Variants in TMC1 observed in about 807,000 individuals in gnomAD.
The protein encoded by TMC1 is transmembrane channel like 1, also known as transmembrane channel-like protein 1.
In TMC1, 84 loss-of-function variants were observed where a neutral mutation model predicts 105.8. The observed-to-expected ratio is 0.79, with a 90% confidence interval of 0.67 to 0.95. TMC1 has a LOEUF of 0.95. Among genes scored for constraint, TMC1 ranks in the 40% least tolerant of loss-of-function variants. The probability of loss-of-function intolerance (pLI) is 0.00; values close to 1 mark genes in which losing one functional copy is unlikely to be tolerated. For synonymous variants in TMC1, 315 were observed against 311.5 expected (o/e 1.01, Z -0.12); for missense variants, 817 against 914.1 (o/e 0.89, Z 1.37).
chr9:72,719,031 G>T (rs2117938998), intron 8 of TMC1, among the ~76,000 whole-genome samples: 1 of 152,296 alleles, frequency 6.6e-6, no homozygotes, highest in East Asian at 1.9e-4. Flanking sequence ...CAAAAGGCTG[G>T]TCTCATTCCC....
chr9:72,593,423 A>G (rs1056598519), intron 2 of TMC1, among the ~76,000 whole-genome samples: 13 of 151,480 alleles, frequency 8.6e-5, no homozygotes, highest in Non-Finnish European at 1.0e-4. Flanking sequence ...TCTGAGACAG[A>G]GTGTTGCTCC....
chr9:72,835,399 T>A (rs1009757071), intron 23 of TMC1, among the ~76,000 whole-genome samples: 2 of 152,222 alleles, frequency 1.3e-5, no homozygotes, highest in Non-Finnish European at 2.9e-5. Flanking sequence ...ATGAGGTGGT[T>A]GAAGCACATA....
intron 5 of TMC1, among the ~76,000 whole-genome samples, chr9:72,654,823 T>G (rs544752279): frequency 6.6e-6 from 1 of 152,288 alleles, no homozygotes; most frequent in Admixed American, 6.5e-5. Flanking sequence ...AGATCCAAAT[T>G]TCTATCTGGT....
At chr9:72,581,443 A>G (rs956143937) in intron 2 of TMC1, among the ~76,000 whole-genome samples, 1 of 152,206 alleles carries the variant, frequency 6.6e-6, no homozygotes, top group Non-Finnish European at 1.5e-5. Flanking sequence ...AATTGCAGTC[A>G]GTATATTGAG....
chr9:72,784,126 C>G (rs1828133548), intron 13 of TMC1, among the ~76,000 whole-genome samples: 2 of 152,098 alleles, frequency 1.3e-5, no homozygotes, highest in South Asian at 4.1e-4. Context: ...ACAGACTAAA[C>G]AGACAACCAA....
chr9:72,769,919 G>A (rs1827898407), intron 12 of TMC1, among the ~76,000 whole-genome samples: 1 of 152,176 alleles, frequency 6.6e-6, no homozygotes, highest in Admixed American at 6.5e-5. Context: ...AGCATGTTCT[G>A]TTATTGTCAC....
intron 5 of TMC1, among the ~76,000 whole-genome samples, chr9:72,681,762 A>C (rs968048437): frequency 2.0e-5 from 3 of 152,154 alleles, no homozygotes; most frequent in Non-Finnish European, 4.4e-5. Context: ...TATTTTGAGT[A>C]GATTTTCTAT....
chr9:72,603,147 G>A (rs539338710), intron 2 of TMC1, among the ~76,000 whole-genome samples: 37 of 152,162 alleles, frequency 2.4e-4, no homozygotes, highest in Non-Finnish European at 4.9e-4. Flanking sequence ...AATTGGTCAC[G>A]TAAATCACTT....
chr9:72,723,766 G>C (rs1046461425), intron 8 of TMC1, among the ~76,000 whole-genome samples: 2 of 152,046 alleles, frequency 1.3e-5, no homozygotes, highest in Admixed American at 6.6e-5. Flanking sequence ...ATATACTTTT[G>C]TCTACCAAGA....
intron 12 of TMC1, 149 bp downstream of exon 12, chr9:72,755,033 AAAG>A: frequency 2.0e-6 from 1 of 488,802 alleles, no homozygotes; most frequent in Non-Finnish European, 3.9e-6. Context: ...GGAAAGAAAG[AAAG>A]AAAGAGAGAG....
intron 3 of TMC1, among the ~76,000 whole-genome samples, chr9:72,617,738 C>G (rs759981710): frequency 1.3e-5 from 2 of 152,130 alleles, no homozygotes; most frequent in Non-Finnish European, 2.9e-5. Context: ...GTCCACTAAT[C>G]GAGACTGTGT....
intron 5 of TMC1, among the ~76,000 whole-genome samples, chr9:72,654,345 C>T (rs571762950): frequency 2.0e-5 from 3 of 152,224 alleles, no homozygotes; most frequent in African/African-American, 4.8e-5. Context: ...AGTTTTAGTT[C>T]GCACTTCTCT....
chr9:72,734,742 G>C (rs1827271941), intron 8 of TMC1, among the ~76,000 whole-genome samples: 1 of 152,126 alleles, frequency 6.6e-6, no homozygotes, highest in South Asian at 2.1e-4. Context: ...GAAAGTACAA[G>C]TTTTGATTAC....
At chr9:72,578,831 G>A (rs924146743) in intron 2 of TMC1, among the ~76,000 whole-genome samples, 22 of 152,188 alleles carry the variant, frequency 1.4e-4, no homozygotes, top group Admixed American at 3.9e-4. Context: ...GAAACACACT[G>A]TAGTGGTGCC....
chr9:72,782,213 C>T (rs983755665), intron 13 of TMC1, among the ~76,000 whole-genome samples: 3 of 152,080 alleles, frequency 2.0e-5, no homozygotes, highest in African/African-American at 4.8e-5. Context: ...ACAGAAACTA[C>T]GTGATCATCT....
intron 8 of TMC1, among the ~76,000 whole-genome samples, chr9:72,701,675 G>A (rs548695044): frequency 6.6e-5 from 10 of 152,100 alleles, no homozygotes; most frequent in Admixed American, 6.5e-4. Context: ...TCTAGTCTTG[G>A]TTCTGCAAGA....
At chr9:72,723,648 A>G (rs540267594) in intron 8 of TMC1, among the ~76,000 whole-genome samples, 57 of 152,348 alleles carry the variant, frequency 3.7e-4, no homozygotes, top group Middle Eastern at 3.4e-3. Context: ...CCCTGAAAGG[A>G]TATTGAGAAA....
intron 4 of TMC1, 107 bp from the exon 5 acceptor site, chr9:72,648,490 T>C: frequency 1.4e-6 from 1 of 713,448 alleles, no homozygotes; most frequent in Non-Finnish European, 2.5e-6. Flanking sequence ...GAGTACCTTC[T>C]TAAGTTTCAG....
intron 3 of TMC1, among the ~76,000 whole-genome samples, chr9:72,625,607 G>T (rs1055803644): frequency 6.6e-6 from 1 of 150,484 alleles, no homozygotes; most frequent in South Asian, 2.1e-4. Flanking sequence ...AGAATGGCGT[G>T]AACCCAGGAG....
Sources: allele counts gnomAD v4.1 joint callset (sites outside exome capture counted in the v4.1 genomes callset), GRCh38; gene constraint gnomAD v4.1.1; transcripts MANE v1.5; gene names NCBI Gene and HGNC (gene_info 2026-07-23, HGNC 2026-07-21).